STAP2: variants seen among roughly 807,000 people sequenced by gnomAD.
The protein encoded by STAP2 is signal transducing adaptor family member 2, also known as signal-transducing adaptor protein 2.
A neutral mutation model predicts 52.7 loss-of-function variants in STAP2; 58 were observed. The observed-to-expected ratio is 1.10, with a 90% confidence interval of 0.89 to 1.37. The LOEUF (loss-of-function observed/expected upper bound fraction) is 1.37. Ranked by LOEUF, STAP2 falls within the 40% of genes most tolerant of loss-of-function variation. The pLI is 0.00. For synonymous variants in STAP2, 231 were observed against 210.5 expected (o/e 1.10, Z -0.84); for missense variants, 522 against 519.4 (o/e 1.00, Z -0.05).
At position 4,328,706 on chromosome 19, in the gene STAP2, C is replaced by G. The variant is rs79097338; in HGVS notation, c.559G>C (p.Val187Leu). The change falls in exon 6 of 13, where the codon GTG (valine) becomes CTG (leucine). Residue 187 changes from valine to leucine, a missense_variant. Coordinates refer to ENST00000594605, the MANE Select transcript of STAP2 (RefSeq NM_001013841.2). ...TGCATCTGCCGCGTGGTGACCGACA[C>G]GCCGTCGGCGCCGTCCCCGCTGGGC... ...LRPSGDGADG[V>L]SVTTRQMHNG... 785 of 1,605,538 alleles carry G rather than the reference C, an allele frequency of 4.9e-4. 2 individuals carry two copies. The African/African-American group carries it at 9.4e-3, about 19-fold the overall frequency.
At chr19:4,332,969 C>T (rs1971917625) in intron 3 of STAP2, among the ~76,000 whole-genome samples, 1 of 152,122 alleles carries the variant, frequency 6.6e-6, no homozygotes, top group Non-Finnish European at 1.5e-5. Flanking sequence ...GTGGGTGGAT[C>T]ACTTGAGGTC....
At chr19:4,331,489 G>C (rs747160192) in intron 4 of STAP2, among the ~76,000 whole-genome samples, 1 of 151,980 alleles carries the variant, frequency 6.6e-6, no homozygotes, top group Non-Finnish European at 1.5e-5. Flanking sequence ...AATTAGCCAG[G>C]CGTGGTGGCG....
Position 4,325,413 on chromosome 19 carries a change from T to C in STAP2, c.962A>G (p.Asp321Gly). The change falls in exon 10 of 13, where the codon GAC (aspartate) becomes GGC (glycine). Residue 321 changes from aspartate to glycine, a missense_variant. Physicochemically the swap from Asp to Gly is moderately conservative, Grantham distance 94 (BLOSUM62 -1). Coordinates refer to ENST00000594605, the MANE Select transcript of STAP2 (RefSeq NM_001013841.2). ...VTPIGDGPAVDYENQDVASSS... is the reference protein window; with the variant it reads ...VTPIGDGPAVGYENQDVASSS... ...CCACCCACCATCTTGGTTCTCATAG[T>C]CAACAGCTGGGCCATCTCCAATGGG... The C allele has an allele frequency of 6.2e-7, 1 of 1,614,220 alleles. No individual in the cohort carries two copies. The highest frequency in any genetic ancestry group is 8.5e-7 in the Non-Finnish European group (1 of 1,180,040).
At chr19:4,331,990 G>A in intron 4 of STAP2, 32 bp downstream of exon 4, 4 of 1,597,988 alleles carry the variant, frequency 2.5e-6, no homozygotes, top group Non-Finnish European at 3.4e-6. Context: ...CTGGAGAATG[G>A]GAGAGAGGGC....
chr19:4,328,921 A>T, intron 5 of STAP2, 112 bp from the exon 6 acceptor site: 1 of 1,443,942 alleles, frequency 6.9e-7, no homozygotes, highest in South Asian at 1.4e-5. Context: ...TAGGCCCAGG[A>T]GACCCTGCCC....
chr19:4,334,149 C>T, intron 1 of STAP2, 105 bp from the exon 2 acceptor site: 1 of 854,882 alleles, frequency 1.2e-6, no homozygotes, highest in Non-Finnish European at 1.8e-6. Flanking sequence ...GCTCTCTGCC[C>T]CACGCTGCCC....
intron 12 of STAP2, 69 bp from the exon 13 acceptor site, chr19:4,324,266 C>T: frequency 1.4e-6 from 2 of 1,477,188 alleles, no homozygotes; most frequent in Middle Eastern, 2.1e-4. Context: ...GCCCTGACAG[C>T]CACCCAGGAC....
intron 5 of STAP2, among the ~76,000 whole-genome samples, 172 bp downstream of exon 5, chr19:4,329,788 TC>T (rs57325977): frequency 0.018 from 2,776 of 150,238 alleles, 71 homozygotes; most frequent in African/African-American, 0.054. Flanking sequence ...CTGCCCTGCC[TC>T]CCCAGCATGG....
intron 3 of STAP2, 150 bp from the exon 4 acceptor site, chr19:4,332,228 G>A: frequency 2.0e-6 from 1 of 491,974 alleles, no homozygotes; most frequent in South Asian, 2.5e-5. Context: ...TTTTTGAGAT[G>A]GAGTCTCATT....
At position 4,332,028 on chromosome 19, in the gene STAP2, C is replaced by T; in HGVS notation, c.348G>A (p.Val116=). The T allele has an allele frequency of 6.2e-7, 1 of 1,613,150 alleles. No individual in the cohort carries two copies. The change falls in exon 4 of 13, where the codon GTG becomes GTA. Residue 116 remains valine, a synonymous_variant. Coordinates refer to ENST00000594605, the MANE Select transcript of STAP2 (RefSeq NM_001013841.2). ...AGAGAGCCACTACTCTTACCTCCAC[C>T]ACCGTTAAGATGAAGCCTTTCCACA... ...REMWKGFILT[V]VELRVPTDLT...
At chr19:4,329,398 G>T (rs969872584) in intron 5 of STAP2, among the ~76,000 whole-genome samples, 50 of 151,912 alleles carry the variant, frequency 3.3e-4, no homozygotes, top group Non-Finnish European at 2.1e-4. Context: ...AGCCACCGCG[G>T]CCAGCCAGGC....
intron 4 of STAP2, among the ~76,000 whole-genome samples, chr19:4,330,409 C>G (rs1334471617): frequency 6.6e-6 from 1 of 151,774 alleles, no homozygotes; most frequent in Non-Finnish European, 1.5e-5. Context: ...GTAATCCCAG[C>G]TACTCGGGAG....
intron 4 of STAP2, among the ~76,000 whole-genome samples, chr19:4,331,658 C>T (rs1176402551): frequency 6.6e-6 from 1 of 150,708 alleles, no homozygotes. Flanking sequence ...TTTGGCCGGG[C>T]CCGGTGGCTC....
chr19:4,338,587 C>T, intron 1 of STAP2, 65 bp downstream of exon 1: 2 of 1,179,232 alleles, frequency 1.7e-6, no homozygotes, highest in South Asian at 2.7e-5. Context: ...GAGACAGGGA[C>T]TCAGAGAGGT....
rs751966843 is a variant in STAP2 at position 4,328,705 on chromosome 19, A to ACGCCGTCGG, written c.551_559dup (p.Ala184_Gly186dup). The ACGCCGTCGG allele has an allele frequency of 4.5e-5, 72 of 1,603,180 alleles. No individual in the cohort carries two copies. Among genetic ancestry groups the ACGCCGTCGG allele is most frequent in the Non-Finnish European group, 5.9e-5 (69 of 1,176,498 alleles). On this transcript the variant is annotated inframe_insertion, in exon 6 of 13. Coordinates refer to ENST00000594605, the MANE Select transcript of STAP2 (RefSeq NM_001013841.2). ...GTGCATCTGCCGCGTGGTGACCGAC[A>ACGCCGTCGG]CGCCGTCGGCGCCGTCCCCGCTGGG...
At chr19:4,333,281 G>A (rs1200790281) in intron 3 of STAP2, among the ~76,000 whole-genome samples, 1 of 152,126 alleles carries the variant, frequency 6.6e-6, no homozygotes, top group Non-Finnish European at 1.5e-5. Flanking sequence ...GATCACCTGA[G>A]GTGAGGAGTT....
intron 4 of STAP2, among the ~76,000 whole-genome samples, chr19:4,331,470 A>C (rs900759532): frequency 5.3e-5 from 8 of 151,998 alleles, no homozygotes; most frequent in Non-Finnish European, 4.4e-5. Context: ...TGTATACTAA[A>C]AATACAAAAA....
intron 1 of STAP2, among the ~76,000 whole-genome samples, 189 bp from the exon 2 acceptor site, chr19:4,334,233 GC>G (rs1971938279): frequency 1.3e-5 from 2 of 152,024 alleles, no homozygotes; most frequent in Admixed American, 6.6e-5. Context: ...CCCACCCATG[GC>G]CCAGCTTCTG....
At chr19:4,331,670 C>G (rs979211465) in intron 4 of STAP2, among the ~76,000 whole-genome samples, 1 of 151,652 alleles carries the variant, frequency 6.6e-6, no homozygotes, top group African/African-American at 2.4e-5. Context: ...CGGTGGCTCA[C>G]GCCTGTAATC....
Sources: gnomAD v4.1 joint callset for allele counts (sites outside exome capture counted in the v4.1 genomes callset) on GRCh38, gnomAD v4.1.1 for gene constraint, MANE v1.5 for transcripts, NCBI Gene and HGNC (gene_info 2026-07-23, HGNC 2026-07-21) for gene names.